The following SAMD12 variants were observed in gnomAD, a reference collection of about 807,000 sequenced individuals.
SAMD12 encodes the protein sterile alpha motif domain containing 12.
In SAMD12, 9 loss-of-function variants were observed where a neutral mutation model predicts 15.0. That is an observed-to-expected ratio of 0.60 (90% CI 0.36 to 1.05). The LOEUF (loss-of-function observed/expected upper bound fraction) is 1.05, where lower values mean the gene tolerates loss of function less well. Among genes scored for constraint, SAMD12 ranks in the 50% least tolerant of loss-of-function variants. The pLI, the probability that SAMD12 is intolerant of heterozygous loss-of-function variation, is 0.01. For synonymous variants in SAMD12, 86 were observed against 90.1 expected (o/e 0.96, Z 0.25); for missense variants, 230 against 234.2 (o/e 0.98, Z 0.12).
chr8:118,561,708 C>T (rs1341948851), intron 2 of SAMD12, among the ~76,000 whole-genome samples: 2 of 152,180 alleles, frequency 1.3e-5, no homozygotes, highest in African/African-American at 4.8e-5. Context: ...CCAGGTCCCT[C>T]CTATGACACA....
chr8:118,366,600 G>T (rs1026722569), intron 4 of SAMD12, among the ~76,000 whole-genome samples: 6 of 151,828 alleles, frequency 4.0e-5, no homozygotes, highest in African/African-American at 1.5e-4. Context: ...ATCACCTGAG[G>T]TCAGGAGTTC....
chr8:118,317,302 A>C (rs763959867), intron 4 of SAMD12, among the ~76,000 whole-genome samples: 2 of 152,212 alleles, frequency 1.3e-5, no homozygotes, highest in Non-Finnish European at 2.9e-5. Flanking sequence ...CATCCTGAGT[A>C]TGTGTCACCA....
chr8:118,586,715 TA>T (rs1186787485), intron 1 of SAMD12, among the ~76,000 whole-genome samples: 2 of 152,196 alleles, frequency 1.3e-5, no homozygotes, highest in Non-Finnish European at 2.9e-5. Flanking sequence ...ACAGGTCTGC[TA>T]AATCTATGAC....
At chr8:118,435,167 T>G (rs10282819) in intron 3 of SAMD12, among the ~76,000 whole-genome samples, 79,755 of 148,254 alleles carry the variant, frequency 0.54, 24,287 homozygotes, top group Non-Finnish European at 0.65. Flanking sequence ...AGCAGCCCCC[T>G]TAGCTACGGT....
the SAMD12 span, among the ~76,000 whole-genome samples, chr8:118,145,796 T>G: frequency 6.6e-6 from 1 of 152,148 alleles, no homozygotes; most frequent in African/African-American, 2.4e-5. Context: ...ACCCAAAGAT[T>G]TCCTGCTAAA....
chr8:118,558,471 A>G (rs1218500074), intron 2 of SAMD12, among the ~76,000 whole-genome samples: 1 of 152,162 alleles, frequency 6.6e-6, no homozygotes, highest in East Asian at 1.9e-4. Context: ...ATCTATTCTT[A>G]TATATTGGCA....
intron 3 of SAMD12, among the ~76,000 whole-genome samples, chr8:118,383,142 T>G (rs2130724300): frequency 6.6e-6 from 1 of 152,316 alleles, no homozygotes; most frequent in African/African-American, 2.4e-5. Flanking sequence ...TTTTGTTGTT[T>G]ATCATAAAAT....
Position 118,571,201 on chromosome 8 carries a change from A to T in SAMD12, c.192+9514T>A, listed in dbSNP as rs183329444. ...AAAGATACCCAGAAATGTAGAAGTGACTTTAGAACTGGGTAACAGGCAGAG... is the reference window on the plus strand; with the variant it reads ...AAAGATACCCAGAAATGTAGAAGTGTCTTTAGAACTGGGTAACAGGCAGAG... On this transcript the variant is annotated intron_variant, in intron 2 of 3. Transcript: ENST00000314727. Among the ~76,000 whole-genome samples, 267 of 152,306 alleles carry T rather than the reference A, an allele frequency of 1.8e-3. 3 individuals are homozygous for T. Among genetic ancestry groups the T allele is most frequent in the South Asian group, 0.011 (51 of 4,826 alleles).
intron 4 of SAMD12, among the ~76,000 whole-genome samples, chr8:118,333,012 GC>G (rs1207338820): frequency 6.6e-6 from 1 of 152,168 alleles, no homozygotes; most frequent in Non-Finnish European, 1.5e-5. Context: ...TGGGACTCTT[GC>G]AGGCAGGGAA....
At chr8:118,498,470 G>C (rs1267634968) in intron 2 of SAMD12, among the ~76,000 whole-genome samples, 1 of 152,200 alleles carries the variant, frequency 6.6e-6, no homozygotes, top group Non-Finnish European at 1.5e-5. Context: ...ATAGCTCCAG[G>C]CATATCACCA....
intron 3 of SAMD12, among the ~76,000 whole-genome samples, chr8:118,421,265 C>A (rs1380440805): frequency 6.6e-6 from 1 of 152,168 alleles, no homozygotes; most frequent in Non-Finnish European, 1.5e-5. Context: ...AAATATTATG[C>A]TCCTACTTAT....
intron 4 of SAMD12, among the ~76,000 whole-genome samples, chr8:118,345,843 C>T (rs1370864518): frequency 6.6e-6 from 1 of 152,118 alleles, no homozygotes; most frequent in African/African-American, 2.4e-5. Context: ...CAGTTCCCCA[C>T]CCATGGTAGA....
intron 4 of SAMD12, among the ~76,000 whole-genome samples, chr8:118,217,889 T>C (rs1811999821): frequency 6.6e-6 from 1 of 152,238 alleles, no homozygotes; most frequent in Non-Finnish European, 1.5e-5. Context: ...GTGCTGTTCC[T>C]AATACTTAGA....
chr8:118,504,550 G>A (rs937603595), intron 2 of SAMD12, among the ~76,000 whole-genome samples: 1 of 152,186 alleles, frequency 6.6e-6, no homozygotes, highest in Non-Finnish European at 1.5e-5. Flanking sequence ...TTATGCCCAT[G>A]TCTTAATCCC....
chr8:118,358,532 C>T (rs889357766), intron 4 of SAMD12, among the ~76,000 whole-genome samples: 3 of 152,144 alleles, frequency 2.0e-5, no homozygotes, highest in Admixed American at 1.3e-4. Flanking sequence ...TTCCTAACTT[C>T]CTACTTACCA....
At chr8:118,365,746 A>G (rs1410819098) in intron 4 of SAMD12, among the ~76,000 whole-genome samples, 1 of 152,092 alleles carries the variant, frequency 6.6e-6, no homozygotes, top group Non-Finnish European at 1.5e-5. Context: ...TTCTCTCTGA[A>G]GAACCCTAAT....
chr8:118,306,106 C>T (rs1166688428), intron 4 of SAMD12, among the ~76,000 whole-genome samples: 1 of 152,116 alleles, frequency 6.6e-6, no homozygotes, highest in Non-Finnish European at 1.5e-5. Context: ...TGGGCTGCCT[C>T]AGTTTTGAAG....
At chr8:118,555,030 A>G (rs2131194539) in intron 2 of SAMD12, among the ~76,000 whole-genome samples, 1 of 152,316 alleles carries the variant, frequency 6.6e-6, no homozygotes, top group Non-Finnish European at 1.5e-5. Flanking sequence ...GGAGAAAGGC[A>G]TTTACACCTC....
intron 4 of SAMD12, chr8:118,284,757 A>T (rs1372536195): frequency 4.3e-5 from 7 of 162,556 alleles, no homozygotes; most frequent in African/African-American, 1.4e-4. Context: ...CCTGGCTAAC[A>T]CGGTGAAACC....
Sources: allele counts gnomAD v4.1 joint callset (sites outside exome capture counted in the v4.1 genomes callset), GRCh38; gene constraint gnomAD v4.1.1; transcripts MANE v1.5; gene names NCBI Gene and HGNC (gene_info 2026-07-23, HGNC 2026-07-21).